BAZ2B: variants seen among roughly 807,000 people sequenced by gnomAD.
BAZ2B encodes the protein bromodomain adjacent to zinc finger domain 2B, also known as bromodomain adjacent to zinc finger domain protein 2B.
A neutral mutation model predicts 246.0 loss-of-function variants in BAZ2B; 91 were observed. That is an observed-to-expected ratio of 0.37 (90% CI 0.31 to 0.44). The LOEUF (loss-of-function observed/expected upper bound fraction) is 0.44, where lower values mean the gene tolerates loss of function less well. BAZ2B is among the 20% of genes least tolerant of loss of function. The pLI is 1.00. For synonymous variants in BAZ2B, 855 were observed against 860.0 expected (o/e 0.99, Z 0.10); for missense variants, 2,332 against 2,533.7 (o/e 0.92, Z 1.71).
intron 13 of BAZ2B, among the ~76,000 whole-genome samples, chr2:159,414,628 C>T (rs1333128225): frequency 6.6e-6 from 1 of 151,686 alleles, no homozygotes; most frequent in Non-Finnish European, 1.5e-5. Flanking sequence ...AACAGCCTGG[C>T]CAACATGGTG....
intron 2 of BAZ2B, among the ~76,000 whole-genome samples, chr2:159,489,829 CT>C (rs1241137839): frequency 6.6e-6 from 1 of 152,178 alleles, no homozygotes; most frequent in Non-Finnish European, 1.5e-5. Context: ...AGGAGGACTG[CT>C]TAAGCCCAGG....
intron 2 of BAZ2B, among the ~76,000 whole-genome samples, chr2:159,496,783 C>CAAAA (rs10713062): frequency 7.8e-5 from 5 of 64,206 alleles, no homozygotes; most frequent in Non-Finnish European, 1.1e-4. Context: ...AACTCCGTCT[C>CAAAA]AAAAAAAAAA....
chr2:159,484,147 T>C (rs2079558901), intron 2 of BAZ2B, among the ~76,000 whole-genome samples: 1 of 152,158 alleles, frequency 6.6e-6, no homozygotes, highest in Admixed American at 6.5e-5. Flanking sequence ...AGAAGAACAG[T>C]CTTCCCCTAC....
At chr2:159,566,002 TAAAGCAA>T (rs1682470312) in intron 1 of BAZ2B, among the ~76,000 whole-genome samples, 1 of 152,146 alleles carries the variant, frequency 6.6e-6, no homozygotes, top group Non-Finnish European at 1.5e-5. Context: ...AAATATTACA[TAAAGCAA>T]TGTTGACTTT....
the BAZ2B span, among the ~76,000 whole-genome samples, chr2:159,703,458 A>G: frequency 6.9e-6 from 1 of 144,936 alleles, no homozygotes; most frequent in African/African-American, 2.6e-5. Flanking sequence ...TAATAAATGG[A>G]CTTTAAAACA....
At chr2:159,700,691 C>T in the BAZ2B span, among the ~76,000 whole-genome samples, 20 of 152,176 alleles carry the variant, frequency 1.3e-4, no homozygotes, top group African/African-American at 3.9e-4. Context: ...GTGATCTGCC[C>T]GCTTCAGCCT....
intron 2 of BAZ2B, chr2:159,536,406 G>T (rs1213650989): frequency 2.0e-5 from 3 of 152,116 alleles, no homozygotes; most frequent in Non-Finnish European, 4.4e-5. Context: ...TGAAATAATA[G>T]CGTATTTAAA....
intron 34 of BAZ2B, among the ~76,000 whole-genome samples, chr2:159,329,521 A>T (rs916289156): frequency 1.3e-5 from 2 of 152,214 alleles, no homozygotes; most frequent in Non-Finnish European, 2.9e-5. Context: ...CTGTGATCAC[A>T]TATATACATA....
At chr2:159,682,042 G>A in the BAZ2B span, among the ~76,000 whole-genome samples, 1 of 152,166 alleles carries the variant, frequency 6.6e-6, no homozygotes, top group East Asian at 1.9e-4. Flanking sequence ...ACTGTGAAGA[G>A]AGGGCTGCCT....
rs2063052656 is a variant in BAZ2B at position 159,389,341 on chromosome 2, T to A, written c.3216+4A>T. 1.9e-6 allele frequency: 3 copies of A among 1,579,202 alleles called. No individual in the cohort carries two copies. Among genetic ancestry groups the A allele is most frequent in the African/African-American group, 2.8e-5 (2 of 72,672 alleles). ...TGAAATGGTGTACATGACGTATAAATTACCTTTTGGTCTGCTAAGCACATG... is the reference window on the plus strand; with the variant it reads ...TGAAATGGTGTACATGACGTATAAAATACCTTTTGGTCTGCTAAGCACATG... On this transcript the variant is annotated splice_donor_region_variant and intron_variant, in intron 21 of 36. Coordinates refer to ENST00000392783, the MANE Select transcript of BAZ2B (RefSeq NM_013450.4).
chr2:159,378,001 T>C (rs1203947539), intron 25 of BAZ2B, among the ~76,000 whole-genome samples: 9 of 152,206 alleles, frequency 5.9e-5, no homozygotes, highest in African/African-American at 2.2e-4. Context: ...AAGATAACTA[T>C]ACAGGGGAAT....
chr2:159,326,018 G>T (rs373238145), intron 34 of BAZ2B, 100 bp from the exon 35 acceptor site: 2 of 988,984 alleles, frequency 2.0e-6, no homozygotes, highest in East Asian at 5.8e-5. Flanking sequence ...TAAGTAAAAA[G>T]AATAACTCTG....
chr2:159,448,237 G>A lies in BAZ2B; in HGVS notation c.502+5C>T. ...ATAGTACTTCACTTATGTAAATGTG[G>A]ATACCTTTTTCGGGACCATTTCGAT... is the stretch of plus-strand genomic sequence containing the variant. On this transcript the variant is annotated splice_donor_5th_base_variant and intron_variant, in intron 5 of 36. Transcript: ENST00000392783. 6.2e-7 allele frequency: 1 copy of A among 1,610,562 alleles called. No homozygotes were observed.
chr2:159,343,098 C>T (rs1320463759), intron 31 of BAZ2B, among the ~76,000 whole-genome samples: 2 of 152,002 alleles, frequency 1.3e-5, no homozygotes, highest in East Asian at 3.9e-4. Flanking sequence ...AATAGAAAAC[C>T]CAGAAATTAA....
intron 3 of BAZ2B, among the ~76,000 whole-genome samples, chr2:159,472,932 T>A (rs1337103928): frequency 6.6e-6 from 1 of 152,206 alleles, no homozygotes; most frequent in Non-Finnish European, 1.5e-5. Flanking sequence ...TTAGGGATAT[T>A]GGCCTGTAAT....
intron 2 of BAZ2B, among the ~76,000 whole-genome samples, chr2:159,547,742 T>C (rs1000351888): frequency 1.3e-5 from 2 of 152,216 alleles, no homozygotes; most frequent in Admixed American, 6.5e-5. Flanking sequence ...TTTTATATTC[T>C]CTGATGTTTC....
chr2:159,504,156 ATTTT>A (rs1030186589), intron 2 of BAZ2B, among the ~76,000 whole-genome samples: 1 of 151,272 alleles, frequency 6.6e-6, no homozygotes, highest in Non-Finnish European at 1.5e-5. Flanking sequence ...TCTTTATTTT[ATTTT>A]TTTAATTTAT....
intron 2 of BAZ2B, among the ~76,000 whole-genome samples, chr2:159,482,454 C>T (rs925370395): frequency 1.3e-5 from 2 of 151,994 alleles, no homozygotes; most frequent in Non-Finnish European, 2.9e-5. Flanking sequence ...TACTTGTTAG[C>T]TATTGTTTTT....
chr2:159,631,045 A>AT, the BAZ2B span, among the ~76,000 whole-genome samples: 1 of 152,014 alleles, frequency 6.6e-6, no homozygotes, highest in Non-Finnish European at 1.5e-5. Flanking sequence ...AAATTTTAAA[A>AT]TTTACCCGGG....
Sources: gnomAD v4.1 joint callset for allele counts (sites outside exome capture counted in the v4.1 genomes callset) on GRCh38, gnomAD v4.1.1 for gene constraint, MANE v1.5 for transcripts, NCBI Gene and HGNC (gene_info 2026-07-23, HGNC 2026-07-21) for gene names.